TSFM: variants seen among roughly 807,000 people sequenced by gnomAD.
TSFM encodes elongation factor Ts, mitochondrial.
In TSFM, 29 loss-of-function variants were observed where a neutral mutation model predicts 33.4. The ratio of observed to expected loss-of-function variants is 0.87; its 90% CI spans 0.65 to 1.18. TSFM has a LOEUF of 1.18. Among genes scored for constraint, TSFM ranks in the 50% most tolerant of loss-of-function variants. The probability of loss-of-function intolerance (pLI) is 0.00; values close to 1 mark genes in which losing one functional copy is unlikely to be tolerated. For synonymous variants in TSFM, 178 were observed against 163.5 expected (o/e 1.09, Z -0.68); for missense variants, 394 against 395.6 (o/e 1.00, Z 0.04).
downstream of TSFM, chr12:57,802,499 G>A: frequency 1.1e-6 from 1 of 928,606 alleles, no homozygotes; most frequent in East Asian, 2.6e-5. Flanking sequence ...GCAGAGAAAG[G>A]TTTTCCCAGA....
intron 4 of TSFM, among the ~76,000 whole-genome samples, chr12:57,791,301 C>T (rs866590957): frequency 3.3e-5 from 5 of 152,178 alleles, no homozygotes; most frequent in African/African-American, 7.2e-5. Flanking sequence ...TGGGCCACCG[C>T]GCCCGGCCGG....
intron 3 of TSFM, 99 bp from the exon 4 acceptor site, chr12:57,786,941 G>GC: frequency 1.5e-6 from 2 of 1,342,298 alleles, no homozygotes; most frequent in Non-Finnish European, 2.0e-6. Flanking sequence ...TGAGTCTGTA[G>GC]CTTGTTCTAT....
intron 2 of TSFM, chr12:57,783,964 G>C (rs1195488217): frequency 4.3e-6 from 3 of 702,676 alleles, no homozygotes; most frequent in Non-Finnish European, 7.8e-6. Context: ...TTGCCTGTAC[G>C]GTCATGCGTC....
downstream of TSFM, chr12:57,799,967 CTG>C (rs763953228): frequency 1.2e-6 from 2 of 1,608,898 alleles, no homozygotes; most frequent in South Asian, 1.1e-5. Flanking sequence ...TCCTCAGTGT[CTG>C]TGTGGTTACA....
chr12:57,785,187 A>G (rs558469183), intron 2 of TSFM, among the ~76,000 whole-genome samples: 1 of 152,006 alleles, frequency 6.6e-6, no homozygotes, highest in Admixed American at 6.6e-5. Context: ...CAGCCTCCCA[A>G]AGTGTCGGGA....
In TSFM at chr12:57,783,003, C is replaced by A. The variant is rs113230710; in HGVS notation, c.58-107C>A. Reference sequence around the variant, plus strand: ...CTGCCCAGTCCAGCCCCGGTGCACCCCCCTTTGCACACTGTCCGCTCCCTA... The same window carrying A: ...CTGCCCAGTCCAGCCCCGGTGCACCACCCTTTGCACACTGTCCGCTCCCTA... On this transcript the variant is annotated intron_variant, in intron 1 of 5. Transcript: ENST00000652027. The A allele has an allele frequency of 5.6e-3, 8,290 of 1,480,698 alleles. 243 individuals carry two copies. The South Asian group carries it at 0.063, about 11-fold the overall frequency. 91.7% of individuals were successfully genotyped at this position (1,480,698 alleles called of 1,614,324 possible).
At position 57,797,298 on chromosome 12, in the gene TSFM, C is replaced by G. The variant is rs1955755283; in HGVS notation, c.*715C>G. ...TCACTTAACATTGCCTCTTTACTTC[C>G]CCAGTACTGAAACATTTCTTCAAGT... On this transcript the variant is annotated 3_prime_UTR_variant, in exon 6 of 6. Coordinates refer to ENST00000652027, the MANE Select transcript of TSFM (RefSeq NM_005726.6). 1 of 985,328 alleles carries G rather than the reference C, an allele frequency of 1.0e-6. No homozygotes were observed. Among genetic ancestry groups the G allele is most frequent in the South Asian group, 4.7e-5 (1 of 21,288 alleles). The allele number at this position is 985,328 out of a possible 1,614,324, so 61.0% of individuals were successfully genotyped here.
At chr12:57,783,627 T>G in intron 2 of TSFM, 1 of 565,974 alleles carries the variant, frequency 1.8e-6, no homozygotes, top group Non-Finnish European at 3.4e-6. Context: ...GGAGTCTTGC[T>G]CTGTGGCCCA....
At chr12:57,787,610 A>C (rs556807503) in intron 4 of TSFM, among the ~76,000 whole-genome samples, 1 of 152,168 alleles carries the variant, frequency 6.6e-6, no homozygotes, top group Non-Finnish European at 1.5e-5. Flanking sequence ...GAAATTTGGA[A>C]TGGTCTTAGG....
At chr12:57,782,997 T>TGG in intron 1 of TSFM, 113 bp from the exon 2 acceptor site, 1 of 1,479,624 alleles carries the variant, frequency 6.8e-7, no homozygotes, top group Non-Finnish European at 9.1e-7. Context: ...CCAGCCCCGG[T>TGG]GCACCCCCCT....
At chr12:57,785,954 G>C (rs1041002764) in intron 2 of TSFM, among the ~76,000 whole-genome samples, 1 of 152,164 alleles carries the variant, frequency 6.6e-6, no homozygotes, top group East Asian at 1.9e-4. Flanking sequence ...TGCCCCATAG[G>C]GTTGTTGTGA....
chr12:57,784,365 G>A (rs10431552), intron 2 of TSFM, among the ~76,000 whole-genome samples: 42,199 of 152,116 alleles, frequency 0.28, 7,151 homozygotes, highest in East Asian at 0.66. Flanking sequence ...AGACGTTAAA[G>A]CACAGTACAC....
At chr12:57,799,714 G>A, downstream of TSFM, 1 of 1,590,970 alleles carries the variant, frequency 6.3e-7, no homozygotes, top group South Asian at 1.1e-5. Context: ...TGCCGGAGCT[G>A]TCCTAGGCCA....
intron 5 of TSFM, 55 bp downstream of exon 5, chr12:57,793,128 A>T (rs1595144493): frequency 1.4e-6 from 2 of 1,465,390 alleles, no homozygotes; most frequent in East Asian, 4.5e-5. Flanking sequence ...ATCTCTTGTT[A>T]TCTTGTTCCT....
chr12:57,801,224 A>C, downstream of TSFM: 1 of 1,611,820 alleles, frequency 6.2e-7, no homozygotes, highest in Non-Finnish European at 8.5e-7. Context: ...TGAGAAGAAG[A>C]GAGAGAAAAC....
At chr12:57,795,137 T>C (rs1955716185) in intron 5 of TSFM, among the ~76,000 whole-genome samples, 2 of 150,348 alleles carry the variant, frequency 1.3e-5, no homozygotes, top group African/African-American at 4.9e-5. Flanking sequence ...TTTGCTCTTG[T>C]TGCCCAGGCT....
chr12:57,792,337 T>C (rs988090839), intron 4 of TSFM, among the ~76,000 whole-genome samples: 3 of 152,168 alleles, frequency 2.0e-5, no homozygotes, highest in African/African-American at 4.8e-5. Flanking sequence ...TCTCTTAAGC[T>C]AAGAGTTCAA....
At chr12:57,796,125 C>A in intron 5 of TSFM, 52 bp from the exon 6 acceptor site, 1 of 1,512,306 alleles carries the variant, frequency 6.6e-7, no homozygotes, top group South Asian at 1.3e-5. Context: ...TTGGTACCAT[C>A]ACAGACATCA....
rs1955760273 is a variant in TSFM, at chr12:57,797,519, A to G, written c.*936A>G. 1.0e-6 allele frequency: 1 copy of G among 968,096 alleles called. No individual in the cohort carries two copies. The highest frequency in any genetic ancestry group is 1.1e-4 in the East Asian group (1 of 8,784). The allele number at this position is 968,096 out of a possible 1,614,324, so 60.0% of individuals were successfully genotyped here. On this transcript the variant is annotated 3_prime_UTR_variant, in exon 6 of 6. Coordinates refer to ENST00000652027, the MANE Select transcript of TSFM (RefSeq NM_005726.6). Reference sequence around the variant, plus strand: ...ATAGATTTTAGAAATAATCATCTTAAAATTGAAAACAAAGGTAGGTCCTGG... The same window carrying G: ...ATAGATTTTAGAAATAATCATCTTAGAATTGAAAACAAAGGTAGGTCCTGG...
Sources: gnomAD v4.1 joint callset for allele counts (sites outside exome capture counted in the v4.1 genomes callset) on GRCh38, gnomAD v4.1.1 for gene constraint, MANE v1.5 for transcripts, NCBI Gene and HGNC (gene_info 2026-07-23, HGNC 2026-07-21) for gene names.